Variants in NARS1 observed in about 807,000 individuals in gnomAD.
NARS1 encodes asparagine--tRNA ligase, cytoplasmic.
A neutral mutation model predicts 79.2 loss-of-function variants in NARS1; 65 were observed. The ratio of observed to expected loss-of-function variants is 0.82; its 90% CI spans 0.67 to 1.01. NARS1 has a LOEUF of 1.01. NARS1 is among the 50% of genes least tolerant of loss of function. The pLI is 0.00. For missense variants in NARS1, 649 were observed against 673.8 expected, an observed-to-expected ratio of 0.96 and a Z score of 0.41; for synonymous variants, 229 against 238.8, an observed-to-expected ratio of 0.96 and a Z score of 0.38.
intron 11 of NARS1, among the ~76,000 whole-genome samples, chr18:57,603,892 A>G (rs560018665): frequency 3.5e-4 from 49 of 138,928 alleles, no homozygotes; most frequent in African/African-American, 1.2e-3. Flanking sequence ...CTTATTTCAT[A>G]CCCCCCAAAG....
Position 57,604,750 on chromosome 18 carries a change from A to G in NARS1, c.1251+1107T>C, listed in dbSNP as rs1215568321. Among the ~76,000 whole-genome samples, 5 of 152,258 alleles carry G rather than the reference A, an allele frequency of 3.3e-5. No individual in the cohort carries two copies. In the East Asian group the frequency reaches 9.6e-4, roughly 29 times the overall value. On this transcript the variant is annotated intron_variant, in intron 11 of 13. Transcript: ENST00000256854. Reference sequence around the variant, plus strand: ...ACAAATAATAAAAAATTAGCTGGGCATGGTGGCTCACACCTGTAATCCCAG... The same window carrying G: ...ACAAATAATAAAAAATTAGCTGGGCGTGGTGGCTCACACCTGTAATCCCAG...
chr18:57,607,241 T>C lies in NARS1; in HGVS notation c.894A>G (p.Gln298=), dbSNP rs766805055. 2.1e-5 allele frequency: 34 copies of C among 1,614,002 alleles called. No individual in the cohort carries two copies. Among genetic ancestry groups the C allele is most frequent in the African/African-American group, 1.1e-4 (8 of 74,908 alleles). ...AGGTCTCCAAGTACAACTGAGAGGA[T>C]TGAGTCAAAAATGCCTCTTCCCCAA... ...DYFGEEAFLT[Q]SSQLYLETCL... The change falls in exon 9 of 14, where the codon CAA becomes CAG. Residue 298 remains glutamine (Q), a synonymous_variant. Transcript: ENST00000256854.
At position 57,602,843 on chromosome 18, in the gene NARS1, C is replaced by A; in HGVS notation, c.1352G>T (p.Arg451Leu). 1 of 1,614,050 alleles carries A rather than the reference C, an allele frequency of 6.2e-7. No homozygotes were observed. The highest frequency in any genetic ancestry group is 8.5e-7 in the Non-Finnish European group (1 of 1,179,972). Residue 451 changes from arginine (R) to leucine (L), a missense_variant, in exon 12 of 14, where the codon CGA becomes CTA. Physicochemically the swap from Arg to Leu is moderately radical, Grantham distance 102 (BLOSUM62 -2). Transcript: ENST00000256854. ...PVEIKSFYMQRCPEDSRLTES... is the reference protein window; with the variant it reads ...PVEIKSFYMQLCPEDSRLTES... ...AGTAAGACGGGAATCCTCAGGACATCGCTGCATGTAGAAGGACTTGATCTC... is the reference window on the plus strand; with the variant it reads ...AGTAAGACGGGAATCCTCAGGACATAGCTGCATGTAGAAGGACTTGATCTC...
intron 6 of NARS1, 136 bp downstream of exon 6, chr18:57,611,501 G>A: frequency 1.8e-6 from 1 of 562,912 alleles, no homozygotes; most frequent in Non-Finnish European, 3.0e-6. Flanking sequence ...GCATGTTTAT[G>A]GTATACAATG....
At chr18:57,606,072 G>A (rs2051553819) in intron 10 of NARS1, 102 bp from the exon 11 acceptor site, 1 of 730,258 alleles carries the variant, frequency 1.4e-6, no homozygotes, top group Non-Finnish European at 2.2e-6. Flanking sequence ...ACTTCAGTGA[G>A]GTGTGGTGGC....
chr18:57,605,571 G>A (rs1472155834), intron 11 of NARS1, among the ~76,000 whole-genome samples: 2 of 141,502 alleles, frequency 1.4e-5, no homozygotes, highest in African/African-American at 5.4e-5. Context: ...CTGAGATCAT[G>A]CCACTGCACT....
intron 2 of NARS1, among the ~76,000 whole-genome samples, chr18:57,618,289 CAA>C (rs34320460): frequency 6.5e-5 from 8 of 122,804 alleles, no homozygotes; most frequent in Admixed American, 8.8e-5. Context: ...AACTCTGTCT[CAA>C]AAAAAAAAAA....
chr18:57,621,554 C>T (rs912468142), intron 1 of NARS1, among the ~76,000 whole-genome samples, 154 bp downstream of exon 1: 1 of 152,140 alleles, frequency 6.6e-6, no homozygotes, highest in Non-Finnish European at 1.5e-5. Flanking sequence ...CCAGCAAAGG[C>T]CAGCACCCTC....
rs554921275 is a variant in NARS1 at position 57,603,000 on chromosome 18, G to A, written c.1252-57C>T. 6.3e-6 allele frequency: 10 copies of A among 1,587,652 alleles called. No individual in the cohort carries two copies. In the African/African-American group the frequency reaches 6.7e-5, roughly 11 times the overall value. ...CAACTTGGATCGCAACAAGACAGAA[G>A]CAGCTCCTTCACCCTGTACCAGTCC... On this transcript the variant is annotated intron_variant, in intron 11 of 13. Coordinates refer to ENST00000256854, the MANE Select transcript of NARS1 (RefSeq NM_004539.4).
At chr18:57,606,324 G>A (rs1378726236) in intron 10 of NARS1, among the ~76,000 whole-genome samples, 1 of 136,830 alleles carries the variant, frequency 7.3e-6, no homozygotes, top group Non-Finnish European at 1.5e-5. Context: ...TCAGCCTGGC[G>A]ACAGAGTGAG....
chr18:57,605,796 C>A, intron 11 of NARS1, 61 bp downstream of exon 11: 1 of 1,123,610 alleles, frequency 8.9e-7, no homozygotes. Flanking sequence ...GTTCATTAAC[C>A]AGAAGAAGAG....
At chr18:57,611,281 G>A (rs866890826) in intron 6 of NARS1, among the ~76,000 whole-genome samples, 2 of 152,034 alleles carry the variant, frequency 1.3e-5, no homozygotes, top group Non-Finnish European at 2.9e-5. Flanking sequence ...ATTTTTCTTA[G>A]AGATGCATAA....
chr18:57,605,898 C>T lies in NARS1; in HGVS notation c.1210G>A (p.Asp404Asn), dbSNP rs143179857. ...AAAGTTCCATCTTCTTTCTTTACATCATGTTCTTTTAGCCAAACGATAGCA... is the reference window on the plus strand; with the variant it reads ...AAAGTTCCATCTTCTTTCTTTACATTATGTTCTTTTAGCCAAACGATAGCA... ...SDAIVWLKEH[D>N]VKKEDGTFYE... The change falls in exon 11 of 14, where the codon GAT (aspartate) becomes AAT (asparagine). Residue 404 changes from aspartate (D) to asparagine (N), a missense_variant. Transcript: ENST00000256854. 1.9e-6 allele frequency: 3 copies of T among 1,612,906 alleles called. No homozygotes were observed. Among genetic ancestry groups the T allele is most frequent in the Non-Finnish European group, 2.5e-6 (3 of 1,179,226 alleles).
chr18:57,621,569 C>CCTG, intron 1 of NARS1, 139 bp downstream of exon 1: 1 of 478,082 alleles, frequency 2.1e-6, no homozygotes, highest in Non-Finnish European at 4.1e-6. Flanking sequence ...ACCCTCCCTC[C>CCTG]CTCCCTCCCT....
At chr18:57,617,682 C>T (rs1197601772) in intron 2 of NARS1, among the ~76,000 whole-genome samples, 7 of 151,298 alleles carry the variant, frequency 4.6e-5, no homozygotes, top group African/African-American at 7.3e-5. Flanking sequence ...TTTGGGAGGC[C>T]GAGGTGGGCG....
At chr18:57,608,246 C>G (rs533785403) in intron 7 of NARS1, among the ~76,000 whole-genome samples, 16 of 151,842 alleles carry the variant, frequency 1.1e-4, no homozygotes, top group African/African-American at 3.9e-4. Context: ...GTCAGGAAAT[C>G]AAGACCATCC....
At chr18:57,616,090 C>A in intron 2 of NARS1, 115 bp from the exon 3 acceptor site, 1 of 947,310 alleles carries the variant, frequency 1.1e-6, no homozygotes, top group Non-Finnish European at 1.5e-6. Context: ...ACCCCAACAG[C>A]CAAAAGCTGA....
At position 57,602,469 on chromosome 18, in the gene NARS1, G is replaced by A; in HGVS notation, c.1401C>T (p.Pro467=). 1 of 1,613,630 alleles carries A rather than the reference G, an allele frequency of 6.2e-7. No individual in the cohort carries two copies. Among genetic ancestry groups the A allele is most frequent in the Non-Finnish European group, 8.5e-7 (1 of 1,179,780 alleles). Residue 467 remains proline (P), a synonymous_variant, in exon 13 of 14, where the codon CCC becomes CCT. Coordinates refer to ENST00000256854, the MANE Select transcript of NARS1 (RefSeq NM_004539.4). ...RLTESVDVLM[P]NVGEIVGGSM... is the part of the protein sequence containing the mutation. ...AGCCTCCCACAATCTCACCAACATT[G>A]GGCATCAACACGTCGACCTTTAAAT...
At chr18:57,616,724 C>T (rs541386053) in intron 2 of NARS1, among the ~76,000 whole-genome samples, 2 of 151,944 alleles carry the variant, frequency 1.3e-5, no homozygotes, top group South Asian at 2.1e-4. Flanking sequence ...AAAAAGCGGC[C>T]GGGTGCAGTG....
Sources: allele counts gnomAD v4.1 joint callset (sites outside exome capture counted in the v4.1 genomes callset), GRCh38; gene constraint gnomAD v4.1.1; transcripts MANE v1.5; gene names NCBI Gene and HGNC (gene_info 2026-07-23, HGNC 2026-07-21).